ANAPC1: variants seen among roughly 807,000 people sequenced by gnomAD.
ANAPC1 encodes anaphase-promoting complex subunit 1.
Under a neutral mutation model 208.0 loss-of-function variants are expected in ANAPC1, and 36 were observed. The observed-to-expected ratio is 0.17, with a 90% CI of 0.13 to 0.23. The LOEUF is 0.23. Among genes scored for constraint, ANAPC1 ranks in the 10% least tolerant of loss-of-function variants. The pLI, the probability that ANAPC1 is intolerant of heterozygous loss-of-function variation, is 1.00. For missense variants in ANAPC1, 942 were observed against 2,011.6 expected, an observed-to-expected ratio of 0.47 and a Z score of 10.17; for synonymous variants, 378 against 695.2, an observed-to-expected ratio of 0.54 and a Z score of 7.18.
chr2:111,876,059 T>C (rs1042744785), intron 3 of ANAPC1, among the ~76,000 whole-genome samples: 2 of 152,112 alleles, frequency 1.3e-5, no homozygotes, highest in Middle Eastern at 3.4e-3. Context: ...TTCACCTTTG[T>C]AGCCCCAGCA....
intron 19 of ANAPC1, among the ~76,000 whole-genome samples, chr2:111,834,119 T>C (rs1406734985): frequency 2.6e-5 from 4 of 152,174 alleles, no homozygotes; most frequent in African/African-American, 7.2e-5. Flanking sequence ...AAGGACAGCA[T>C]AGCAAAATGA....
intron 33 of ANAPC1, 139 bp downstream of exon 33, chr2:111,802,289 C>T: frequency 1.6e-6 from 1 of 640,182 alleles, no homozygotes; most frequent in Non-Finnish European, 2.9e-6. Flanking sequence ...TCTCAAACTC[C>T]TGGACTCAAG....
At chr2:111,873,219 AACATGAG>A (rs1480585660) in intron 5 of ANAPC1, 82 bp downstream of exon 5, 1 of 1,245,618 alleles carries the variant, frequency 8.0e-7, no homozygotes, top group African/African-American at 1.5e-5. Context: ...ACTACTACGA[AACATGAG>A]ACATAAGACA....
At chr2:111,875,550 A>G (rs926899583) in intron 3 of ANAPC1, among the ~76,000 whole-genome samples, 6 of 152,194 alleles carry the variant, frequency 3.9e-5, no homozygotes, top group African/African-American at 1.4e-4. Context: ...TTACCTGAAC[A>G]GTCACAAAAT....
chr2:111,876,719 CT>C (rs1327548866), intron 3 of ANAPC1, among the ~76,000 whole-genome samples: 1 of 152,178 alleles, frequency 6.6e-6, no homozygotes, highest in Non-Finnish European at 1.5e-5. Flanking sequence ...TCAGTTTATC[CT>C]TTCCAATAAA....
intron 16 of ANAPC1, among the ~76,000 whole-genome samples, chr2:111,845,692 G>C (rs1326974225): frequency 1.3e-5 from 2 of 151,938 alleles, no homozygotes; most frequent in African/African-American, 4.8e-5. Flanking sequence ...ATACCTTTTA[G>C]AGCCGGGCGC....
At chr2:111,871,588 T>C (rs1682748624) in intron 6 of ANAPC1, among the ~76,000 whole-genome samples, 1 of 152,032 alleles carries the variant, frequency 6.6e-6, no homozygotes, top group Non-Finnish European at 1.5e-5. Flanking sequence ...CCATCTCTAC[T>C]AAAAATACAA....
rs763690278 is a variant in ANAPC1, at chr2:111,794,250, A to G, written c.4447T>C (p.Ser1483Pro). 8.1e-6 allele frequency: 13 copies of G among 1,612,692 alleles called. No homozygotes were observed. Among genetic ancestry groups the G allele is most frequent in the East Asian group, 2.2e-5 (1 of 44,846 alleles). ...CTTCTTACCAAACAGTTAAATGCTG[A>G]TAAGTTTTCTGAGCCAGCAAATCGA... ...GFRFAGSENL[S>P]AFNCLHKFAK... Residue 1483 changes from serine to proline, a missense_variant, in exon 36 of 48, where the codon TCA becomes CCA. By Grantham distance (74) the Ser-to-Pro change is moderately conservative. Coordinates refer to ENST00000341068, the MANE Select transcript of ANAPC1 (RefSeq NM_022662.4).
intron 45 of ANAPC1, among the ~76,000 whole-genome samples, chr2:111,777,903 C>T (rs992991367): frequency 1.3e-4 from 20 of 152,214 alleles, no homozygotes; most frequent in Non-Finnish European, 2.8e-4. Context: ...TTACTATATT[C>T]ACTTAAAGAG....
intron 1 of ANAPC1, among the ~76,000 whole-genome samples, chr2:111,881,716 G>A (rs192722283): frequency 3.8e-4 from 58 of 152,242 alleles, no homozygotes; most frequent in African/African-American, 1.1e-3. Flanking sequence ...TATATACCAT[G>A]TTCCTATAGA....
chr2:111,855,514 T>C (rs1681651669), intron 13 of ANAPC1, among the ~76,000 whole-genome samples: 1 of 152,174 alleles, frequency 6.6e-6, no homozygotes, highest in South Asian at 2.1e-4. Context: ...CTATTAAATA[T>C]ATACATCACA....
rs1229977583 is a variant in ANAPC1, at chr2:111,773,847, C to T, written c.5585-1372G>A. Among the ~76,000 whole-genome samples the T allele has an allele frequency of 4.6e-5, 7 of 152,104 alleles. No homozygotes were observed. In the East Asian group the frequency reaches 1.2e-3, roughly 25 times the overall value. On this transcript the variant is annotated intron_variant, in intron 46 of 47. Transcript: ENST00000341068. The stretch of plus-strand genomic sequence containing the variant: ...TTTGTTGAGGAAAACAGGCGCCTTG[C>T]AGGTCACACAGGTCCTGGTGCCACA...
At chr2:111,766,923 G>C (rs1034266783), downstream of ANAPC1, 3 of 470,678 alleles carry the variant, frequency 6.4e-6, no homozygotes, top group African/African-American at 6.0e-5. Context: ...CCTTATTCAA[G>C]GAAGACTGGG....
intron 23 of ANAPC1, 27 bp downstream of exon 23, chr2:111,825,104 T>C (rs533438048): frequency 1.2e-6 from 2 of 1,613,920 alleles, no homozygotes; most frequent in Admixed American, 1.7e-5. Context: ...GTGTTTGACA[T>C]AAAAGCACAG....
chr2:111,793,275 G>A (rs528630779), intron 37 of ANAPC1, among the ~76,000 whole-genome samples: 1,871 of 151,490 alleles, frequency 0.012, no homozygotes, highest in African/African-American at 0.043. Context: ...CTCTCACTCT[G>A]TCACCCAGGC....
At position 111,836,389 on chromosome 2, in the gene ANAPC1, G is replaced by A. The variant is rs187779869; in HGVS notation, c.2116-1517C>T. Among the ~76,000 whole-genome samples, 821 of 150,244 alleles carry A rather than the reference G, an allele frequency of 5.5e-3. 3 individuals carry two copies. Among genetic ancestry groups the A allele is most frequent in the Non-Finnish European group, 8.6e-3 (581 of 67,548 alleles). On this transcript the variant is annotated intron_variant, in intron 18 of 47. Transcript: ENST00000341068. ...GAAATTAAAATTCACACCTGTAATC[G>A]CAGCACTTTGAGAGATAGGGGCAGG...
chr2:111,858,212 A>T, intron 11 of ANAPC1, 94 bp downstream of exon 11: 1 of 884,404 alleles, frequency 1.1e-6, no homozygotes, highest in Non-Finnish European at 1.7e-6. Context: ...TTCTAAATAA[A>T]ACTACTTAAG....
intron 17 of ANAPC1, 138 bp downstream of exon 17, chr2:111,843,274 T>C (rs1680867292): frequency 2.6e-6 from 2 of 769,218 alleles, no homozygotes; most frequent in East Asian, 2.7e-5. Flanking sequence ...TTACAATATA[T>C]AGATACAATA....
At chr2:111,858,138 T>C (rs1286491783) in intron 11 of ANAPC1, among the ~76,000 whole-genome samples, 168 bp downstream of exon 11, 1 of 152,000 alleles carries the variant, frequency 6.6e-6, no homozygotes, top group African/African-American at 2.4e-5. Flanking sequence ...TATAACACTG[T>C]AATTTACTAA....
Sources: allele counts gnomAD v4.1 joint callset (sites outside exome capture counted in the v4.1 genomes callset), GRCh38; gene constraint gnomAD v4.1.1; transcripts MANE v1.5; gene names NCBI Gene and HGNC (gene_info 2026-07-23, HGNC 2026-07-21).